The following CTNNA3 variants were observed in gnomAD, a reference collection of about 807,000 sequenced individuals.
CTNNA3 encodes catenin alpha 3.
In CTNNA3, 76 loss-of-function variants were observed where a neutral mutation model predicts 95.7. That is an observed-to-expected ratio of 0.79 (90% CI 0.66 to 0.96). The LOEUF (loss-of-function observed/expected upper bound fraction) is 0.96, where lower values mean the gene tolerates loss of function less well. Among genes scored for constraint, CTNNA3 ranks in the 40% least tolerant of loss-of-function variants. The pLI, the probability that CTNNA3 is intolerant of heterozygous loss-of-function variation, is 0.00. For missense variants in CTNNA3, 1,191 were observed against 1,089.8 expected (o/e 1.09, Z -1.31); for synonymous variants, 431 against 374.4 (o/e 1.15, Z -1.74).
intron 7 of CTNNA3, among the ~76,000 whole-genome samples, chr10:66,987,841 G>A (rs1310912458): frequency 1.3e-5 from 2 of 152,074 alleles, no homozygotes; most frequent in Non-Finnish European, 2.9e-5. Flanking sequence ...TTTAATCAGT[G>A]GCTTTACAAT....
At chr10:67,015,060 G>A (rs1238325628) in intron 7 of CTNNA3, among the ~76,000 whole-genome samples, 1 of 151,962 alleles carries the variant, frequency 6.6e-6, no homozygotes, top group Non-Finnish European at 1.5e-5. Context: ...GTAAAAAATG[G>A]AAAAACTTTA....
chr10:66,042,033 T>C (rs974520112), intron 15 of CTNNA3, among the ~76,000 whole-genome samples: 1 of 152,218 alleles, frequency 6.6e-6, no homozygotes, highest in African/African-American at 2.4e-5. Flanking sequence ...CCACTTATGC[T>C]CTGGCAATAC....
intron 1 of CTNNA3, among the ~76,000 whole-genome samples, chr10:67,688,267 A>C (rs1840772786): frequency 6.6e-6 from 1 of 151,980 alleles, no homozygotes; most frequent in Non-Finnish European, 1.5e-5. Flanking sequence ...AGGGGACATA[A>C]ATGATAGCTC....
chr10:66,230,814 G>T (rs1283441811), intron 13 of CTNNA3, among the ~76,000 whole-genome samples: 1 of 152,156 alleles, frequency 6.6e-6, no homozygotes, highest in East Asian at 1.9e-4. Flanking sequence ...TGCCTTCCCA[G>T]TGTGCTGGAT....
intron 5 of CTNNA3, among the ~76,000 whole-genome samples, chr10:67,496,677 C>T (rs553116470): frequency 1.3e-5 from 2 of 152,194 alleles, no homozygotes; most frequent in East Asian, 1.9e-4. Flanking sequence ...TTGCTTATAA[C>T]ATTAAATAAT....
Position 66,035,279 on chromosome 10 carries a change from C to T in CTNNA3, c.2159+34029G>A, listed in dbSNP as rs76277973. Among the ~76,000 whole-genome samples the T allele has an allele frequency of 1.7e-3, 259 of 152,122 alleles. 2 individuals are homozygous for T. The Middle Eastern group carries it at 0.031, about 18-fold the overall frequency. On this transcript the variant is annotated intron_variant, in intron 15 of 17. Transcript: ENST00000433211. ...ACAGGTAGGGAATGAAATGAGCATT[C>T]CAGGGAATAGTAGTATACAGACATG...
At chr10:67,701,142 C>A (rs1353349165), upstream of CTNNA3, among the ~76,000 whole-genome samples, 1 of 152,142 alleles carries the variant, frequency 6.6e-6, no homozygotes, top group South Asian at 2.1e-4. Flanking sequence ...ACCAAATCTA[C>A]GTCTGATTGG....
chr10:67,486,839 T>C (rs372519533), intron 5 of CTNNA3, among the ~76,000 whole-genome samples: 1 of 152,198 alleles, frequency 6.6e-6, no homozygotes, highest in East Asian at 1.9e-4. Context: ...ACCTTTCTCT[T>C]CTAAGGGTTA....
At chr10:66,121,789 C>A (rs1303314466) in intron 13 of CTNNA3, among the ~76,000 whole-genome samples, 2 of 152,092 alleles carry the variant, frequency 1.3e-5, no homozygotes, top group Non-Finnish European at 2.9e-5. Context: ...TGCAGTAAGA[C>A]CACACCACTG....
intron 11 of CTNNA3, among the ~76,000 whole-genome samples, chr10:66,514,324 C>T (rs1840764005): frequency 6.6e-6 from 1 of 152,066 alleles, no homozygotes; most frequent in Admixed American, 6.6e-5. Flanking sequence ...TAAGATTCTA[C>T]AGCAACTTAG....
rs114388355 is a variant in CTNNA3 at position 67,683,312 on chromosome 10, C to T, written c.-6+12688G>A. ...CTGTCTTCACCCCCATCCACAAAAACACACACATTAGAAAGGAAACATCAT... is the reference window on the plus strand; with the variant it reads ...CTGTCTTCACCCCCATCCACAAAAATACACACATTAGAAAGGAAACATCAT... On this transcript the variant is annotated intron_variant, in intron 1 of 17. Transcript: ENST00000433211. Among the ~76,000 whole-genome samples, 503 of 152,336 alleles carry T rather than the reference C, an allele frequency of 3.3e-3. 4 individuals are homozygous for T. Among genetic ancestry groups the T allele is most frequent in the African/African-American group, 0.011 (475 of 41,586 alleles).
Position 67,556,540 on chromosome 10 carries a change from T to A in CTNNA3, c.293-16871A>T, listed in dbSNP as rs565220987. On this transcript the variant is annotated intron_variant, in intron 3 of 17. Transcript: ENST00000433211. ...CTTTTAGATTTTCTAGTTTATTTGC[T>A]TAGAGGTGTTTATAGTATTCTCTGA... 1.2e-3 allele frequency among the ~76,000 whole-genome samples: 182 copies of A among 152,220 alleles called. 1 individual carries two copies. The highest frequency in any genetic ancestry group is 9.9e-4 in the Non-Finnish European group (67 of 67,988).
intron 12 of CTNNA3, among the ~76,000 whole-genome samples, chr10:66,342,942 G>GT (rs1207390811): frequency 3.3e-5 from 5 of 151,716 alleles, no homozygotes; most frequent in Non-Finnish European, 5.9e-5. Flanking sequence ...TCTTTTCATT[G>GT]TTTTATTTAA....
intron 5 of CTNNA3, among the ~76,000 whole-genome samples, chr10:67,263,293 T>C (rs1035624706): frequency 3.3e-5 from 5 of 152,308 alleles, no homozygotes; most frequent in Admixed American, 2.6e-4. Context: ...CTAGTACTAT[T>C]GTGATCTGGG....
intron 13 of CTNNA3, among the ~76,000 whole-genome samples, chr10:66,129,604 C>A: frequency 6.6e-6 from 1 of 152,128 alleles, no homozygotes; most frequent in Non-Finnish European, 1.5e-5. Context: ...TAGACCTGGG[C>A]AACCCTCAGT....
At chr10:66,735,651 T>C (rs1849110470) in intron 9 of CTNNA3, among the ~76,000 whole-genome samples, 1 of 152,192 alleles carries the variant, frequency 6.6e-6, no homozygotes, top group South Asian at 2.1e-4. Flanking sequence ...TATCAACTCT[T>C]CTGATACCTT....
intron 3 of CTNNA3, among the ~76,000 whole-genome samples, chr10:67,587,667 T>C (rs1842678179): frequency 2.0e-5 from 3 of 152,306 alleles, no homozygotes; most frequent in Admixed American, 1.3e-4. Flanking sequence ...GACAGTCTGA[T>C]TATAATGTGC....
chr10:66,543,221 T>C (rs1463993964), intron 10 of CTNNA3, among the ~76,000 whole-genome samples: 1 of 151,948 alleles, frequency 6.6e-6, no homozygotes, highest in African/African-American at 2.4e-5. Flanking sequence ...GCCTCCCGAG[T>C]AGCTGGGATT....
chr10:67,668,359 A>T (rs1202063799), intron 1 of CTNNA3, among the ~76,000 whole-genome samples: 1 of 152,168 alleles, frequency 6.6e-6, no homozygotes, highest in East Asian at 1.9e-4. Flanking sequence ...CTTATAGACA[A>T]GGTATGTGTT....
Sources: allele counts gnomAD v4.1 joint callset (sites outside exome capture counted in the v4.1 genomes callset), GRCh38; gene constraint gnomAD v4.1.1; transcripts MANE v1.5; gene names NCBI Gene and HGNC (gene_info 2026-07-23, HGNC 2026-07-21).